Variants in ASIC2 observed in about 807,000 individuals in gnomAD.
The protein encoded by ASIC2 is acid sensing ion channel subunit 2.
In ASIC2, 25 loss-of-function variants were observed where a neutral mutation model predicts 57.3. The observed-to-expected ratio is 0.44, with a 90% CI of 0.32 to 0.61. The LOEUF is 0.61. ASIC2 is among the 20% of genes least tolerant of loss of function. The pLI is 0.06. For missense variants in ASIC2, 641 were observed against 738.1 expected (o/e 0.87, Z 1.52); for synonymous variants, 319 against 307.5 (o/e 1.04, Z -0.39).
chr17:33,763,104 T>TC (rs1910834353), intron 1 of ASIC2, among the ~76,000 whole-genome samples: 1 of 152,152 alleles, frequency 6.6e-6, no homozygotes, highest in African/African-American at 2.4e-5. Flanking sequence ...CAGGGCTCTT[T>TC]CCCCTCAACC....
At chr17:33,320,611 C>T (rs1308924384) in intron 1 of ASIC2, among the ~76,000 whole-genome samples, 1 of 152,204 alleles carries the variant, frequency 6.6e-6, no homozygotes, top group Non-Finnish European at 1.5e-5. Flanking sequence ...AACACATCAT[C>T]TCGTCGGCTC....
chr17:33,341,170 G>A (rs1306552742), intron 1 of ASIC2, among the ~76,000 whole-genome samples: 1 of 152,140 alleles, frequency 6.6e-6, no homozygotes, highest in Non-Finnish European at 1.5e-5. Flanking sequence ...ACCGAGGAGC[G>A]CTTGTGAAAC....
At chr17:33,798,320 C>A (rs546990645) in intron 1 of ASIC2, among the ~76,000 whole-genome samples, 2 of 152,136 alleles carry the variant, frequency 1.3e-5, no homozygotes, top group Non-Finnish European at 1.5e-5. Flanking sequence ...AGCTTTGCTG[C>A]GTGGAAGGGT....
intron 3 of ASIC2, among the ~76,000 whole-genome samples, chr17:33,031,682 T>C (rs2091884270): frequency 6.6e-6 from 1 of 152,192 alleles, no homozygotes; most frequent in Non-Finnish European, 1.5e-5. Context: ...ACTAATCAGT[T>C]ATGAGAGAGG....
At chr17:33,024,829 C>T (rs1230564342) in intron 5 of ASIC2, among the ~76,000 whole-genome samples, 1 of 152,190 alleles carries the variant, frequency 6.6e-6, no homozygotes, top group Admixed American at 6.5e-5. Flanking sequence ...CCTCGCTCTG[C>T]TTGATGGCTA....
chr17:33,332,545 G>C (rs1339709929), intron 1 of ASIC2, among the ~76,000 whole-genome samples: 1 of 152,202 alleles, frequency 6.6e-6, no homozygotes, highest in East Asian at 1.9e-4. Flanking sequence ...TTATTGGATT[G>C]GACAAGGCTG....
intron 1 of ASIC2, among the ~76,000 whole-genome samples, chr17:33,205,161 C>T (rs983893470): frequency 1.3e-5 from 2 of 152,200 alleles, no homozygotes; most frequent in Non-Finnish European, 2.9e-5. Context: ...TTTCAGTTAG[C>T]CAGAGCCCCT....
At chr17:33,403,317 C>G (rs1012357478) in intron 1 of ASIC2, among the ~76,000 whole-genome samples, 4 of 152,260 alleles carry the variant, frequency 2.6e-5, no homozygotes, top group Non-Finnish European at 5.9e-5. Context: ...GCTTCTACCT[C>G]CACTTCCTTC....
In ASIC2 at chr17:33,676,876, G is replaced by T. The variant is rs7216702; in HGVS notation, c.555+479102C>A. On this transcript the variant is annotated intron_variant, in intron 1 of 9. Transcript: ENST00000359872. Reference sequence around the variant, plus strand: ...GGCCTGGTGGAGGTGGAAGGTGTCTGGGTCATGGAGGTGGATCCCTTATGG... The same window carrying T: ...GGCCTGGTGGAGGTGGAAGGTGTCTTGGTCATGGAGGTGGATCCCTTATGG... Among the ~76,000 whole-genome samples the T allele has an allele frequency of 4.4e-3, 677 of 152,280 alleles. 2 individuals are homozygous for T. Among genetic ancestry groups the T allele is most frequent in the African/African-American group, 0.015 (640 of 41,552 alleles).
chr17:33,362,906 T>G (rs1244140368), intron 1 of ASIC2, among the ~76,000 whole-genome samples: 1 of 152,212 alleles, frequency 6.6e-6, no homozygotes, highest in Non-Finnish European at 1.5e-5. Context: ...CATATCAGCT[T>G]TGGAATTGCC....
intron 1 of ASIC2, among the ~76,000 whole-genome samples, chr17:33,148,869 G>A (rs1437935828): frequency 3.9e-5 from 6 of 152,158 alleles, no homozygotes; most frequent in African/African-American, 1.4e-4. Flanking sequence ...CAAGGCAGGC[G>A]GATCATCTGA....
intron 2 of ASIC2, among the ~76,000 whole-genome samples, chr17:33,095,558 G>T (rs746636966): frequency 6.6e-6 from 1 of 152,220 alleles, no homozygotes; most frequent in South Asian, 2.1e-4. Context: ...ATGTGCCACC[G>T]AGGTGCTGAA....
chr17:33,953,642 T>A (rs1455746047), intron 1 of ASIC2, among the ~76,000 whole-genome samples: 1 of 152,082 alleles, frequency 6.6e-6, no homozygotes, highest in Non-Finnish European at 1.5e-5. Context: ...AAGGATGAAG[T>A]GCTTTCAGCC....
At chr17:33,497,918 G>A (rs568744743) in intron 1 of ASIC2, among the ~76,000 whole-genome samples, 11 of 152,198 alleles carry the variant, frequency 7.2e-5, no homozygotes, top group African/African-American at 2.4e-4. Flanking sequence ...TTAAAGGAAC[G>A]TGGTAAGTGA....
chr17:33,927,967 T>G (rs1479835535), intron 1 of ASIC2, among the ~76,000 whole-genome samples: 1 of 152,178 alleles, frequency 6.6e-6, no homozygotes, highest in African/African-American at 2.4e-5. Context: ...TGTTTGATAA[T>G]ATTTGTCCGC....
In ASIC2 at chr17:33,791,213, T is replaced by C. The variant is rs547160303; in HGVS notation, c.555+364765A>G. Among the ~76,000 whole-genome samples, 6 of 152,312 alleles carry C rather than the reference T, an allele frequency of 3.9e-5. No homozygotes were observed. In the South Asian group the frequency reaches 1.2e-3, roughly 32 times the overall value. Reference sequence around the variant, plus strand: ...ATAGTCACTCTGTGTGGAAGCCTTCTTGTGGGTGAGGTAGGCAGGCAAGAA... The same window carrying C: ...ATAGTCACTCTGTGTGGAAGCCTTCCTGTGGGTGAGGTAGGCAGGCAAGAA... On this transcript the variant is annotated intron_variant, in intron 1 of 9. Coordinates refer to the ASIC2 transcript ENST00000359872.
rs558590798 is a variant in ASIC2, at chr17:34,154,643, G to T, written c.555+1335C>A. On this transcript the variant is annotated intron_variant, in intron 1 of 9. Coordinates refer to the ASIC2 transcript ENST00000359872. ...ATCAAGAGGCTGGTGAATCCAAGAG[G>T]GGGTAGGGAATGGATGCAGCACAGG... Among the ~76,000 whole-genome samples the T allele has an allele frequency of 3.3e-5, 5 of 152,168 alleles. No individual in the cohort carries two copies. In the South Asian group the frequency reaches 1.0e-3, roughly 31 times the overall value.
intron 1 of ASIC2, among the ~76,000 whole-genome samples, chr17:33,202,380 C>A (rs1270986009): frequency 6.6e-6 from 1 of 152,172 alleles, no homozygotes; most frequent in East Asian, 1.9e-4. Context: ...GGTTTTCTCT[C>A]TAGGGAAGAT....
intron 1 of ASIC2, chr17:33,634,702 CTTTCTTTCTT>C (rs149579073): frequency 0.25 from 32,483 of 128,888 alleles, 3,826 homozygotes; most frequent in East Asian, 0.4. Flanking sequence ...TTCTTTCTTT[CTTTCTTTCTT>C]TTTTTTTTTT....
Sources: allele counts gnomAD v4.1 joint callset (sites outside exome capture counted in the v4.1 genomes callset), GRCh38; gene constraint gnomAD v4.1.1; transcripts MANE v1.5; gene names NCBI Gene and HGNC (gene_info 2026-07-23, HGNC 2026-07-21).